Variants in MGAM2 observed in about 807,000 individuals in gnomAD.
MGAM2 encodes maltase-glucoamylase 2 (putative), also known as probable maltase-glucoamylase 2.
MGAM2 carries 98 observed loss-of-function variants against 96.1 expected under a neutral mutation model. The observed-to-expected ratio is 1.02, with a 90% CI of 0.87 to 1.21. The LOEUF (loss-of-function observed/expected upper bound fraction) is 1.21. Ranked by LOEUF, MGAM2 falls within the 50% of genes most tolerant of loss-of-function variation. The pLI is 0.00. For missense variants in MGAM2, 2,055 were observed against 1,182.4 expected (o/e 1.74, Z -10.82); for synonymous variants, 749 against 414.8 (o/e 1.81, Z -9.79).
intron 36 of MGAM2, among the ~76,000 whole-genome samples, chr7:142,188,109 AACACACACACACACACAC>A (rs60052742): frequency 5.6e-5 from 8 of 143,564 alleles, no homozygotes; most frequent in East Asian, 2.1e-4. Context: ...TAAACCCTTA[AACACACACACACACACAC>A]ACACACACAC....
intron 32 of MGAM2, among the ~76,000 whole-genome samples, chr7:142,180,857 T>C (rs1796516059): frequency 6.6e-6 from 1 of 152,186 alleles, no homozygotes; most frequent in Non-Finnish European, 1.5e-5. Flanking sequence ...TGTGTTATAA[T>C]TTTTTGTTTT....
chr7:142,164,226 A>G (rs1795966716), intron 23 of MGAM2, among the ~76,000 whole-genome samples: 1 of 152,158 alleles, frequency 6.6e-6, no homozygotes, highest in Admixed American at 6.5e-5. Flanking sequence ...TTTTTTCTTC[A>G]GTCTTAATTT....
intron 46 of MGAM2, among the ~76,000 whole-genome samples, chr7:142,216,673 T>C (rs1356565452): frequency 6.6e-6 from 1 of 152,180 alleles, no homozygotes; most frequent in Non-Finnish European, 1.5e-5. Context: ...AAAAATCAAC[T>C]CTCTCAAATC....
Position 142,221,346 on chromosome 7 carries a change from A to G in MGAM2, c.6835A>G (p.Thr2279Ala). The change falls in exon 48 of 48, where the codon ACT (threonine) becomes GCT (alanine). Residue 2279 changes from threonine to alanine, a missense_variant. By Grantham distance (58) the Thr-to-Ala change is moderately conservative. Transcript: ENST00000477922. ...VTTPSPSTDATTTSNNTNPGM... is the reference protein window; with the variant it reads ...VTTPSPSTDAATTSNNTNPGM... ...TACTCCTTCTCCAAGTACTGATGCT[A>G]CTACTACAAGTAATAATACTAATCC... 1.6e-6 allele frequency: 1 copy of G among 628,918 alleles called. No individual in the cohort carries two copies. 39.0% of individuals were successfully genotyped at this position (628,918 alleles called of 1,614,324 possible).
At chr7:142,132,450 TA>T in intron 6 of MGAM2, among the ~76,000 whole-genome samples, 1 of 140,408 alleles carries the variant, frequency 7.1e-6, no homozygotes, top group East Asian at 2.0e-4. Context: ...AATAATATTA[TA>T]ATTATATTTA....
At chr7:142,165,486 T>C (rs1796004191) in intron 24 of MGAM2, among the ~76,000 whole-genome samples, 1 of 152,240 alleles carries the variant, frequency 6.6e-6, no homozygotes, top group East Asian at 1.9e-4. Flanking sequence ...ATGATTCCCT[T>C]ACACTGTTAG....
chr7:142,112,619 C>T (rs75906079), intron 1 of MGAM2, among the ~76,000 whole-genome samples: 1,794 of 152,148 alleles, frequency 0.012, 16 homozygotes, highest in Non-Finnish European at 0.018. Flanking sequence ...TCTTTAAGCT[C>T]TGCAGCCTAG....
chr7:142,132,808 T>G (rs1320108156), intron 6 of MGAM2, among the ~76,000 whole-genome samples: 1 of 127,072 alleles, frequency 7.9e-6, no homozygotes, highest in African/African-American at 3.1e-5. Context: ...TAATTATGTA[T>G]AATATAATAT....
chr7:142,183,623 G>A (rs1014671885), intron 33 of MGAM2, among the ~76,000 whole-genome samples: 1 of 152,082 alleles, frequency 6.6e-6, no homozygotes, highest in Admixed American at 6.6e-5. Flanking sequence ...ATTCCACATG[G>A]TCATTAACAA....
intron 45 of MGAM2, among the ~76,000 whole-genome samples, chr7:142,205,004 A>AT (rs1797354689): frequency 1.3e-5 from 2 of 152,030 alleles, no homozygotes; most frequent in South Asian, 2.1e-4. Flanking sequence ...GAAAGTACAT[A>AT]TTTTTTCTCA....
At chr7:142,211,111 A>C (rs899699730) in intron 46 of MGAM2, among the ~76,000 whole-genome samples, 54 of 152,218 alleles carry the variant, frequency 3.5e-4, no homozygotes, top group Non-Finnish European at 7.3e-5. Flanking sequence ...GACTATTAGA[A>C]GGAAAACTAA....
intron 32 of MGAM2, among the ~76,000 whole-genome samples, chr7:142,177,455 G>A (rs1221875932): frequency 6.6e-6 from 1 of 152,086 alleles, no homozygotes; most frequent in Non-Finnish European, 1.5e-5. Flanking sequence ...AGAGTATGAT[G>A]GAATCCATTA....
At chr7:142,218,311 T>C (rs770750411) in intron 46 of MGAM2, 50 bp from the exon 47 acceptor site, 3 of 571,606 alleles carry the variant, frequency 5.2e-6, no homozygotes, top group Non-Finnish European at 6.2e-6. Context: ...TGGACCATAG[T>C]CTATCAACAA....
chr7:142,181,054 T>C (rs1585193881), intron 32 of MGAM2, among the ~76,000 whole-genome samples: 2 of 152,228 alleles, frequency 1.3e-5, no homozygotes, highest in East Asian at 3.9e-4. Context: ...CACTTCAGTC[T>C]GGTTAGAAAC....
Position 142,173,294 on chromosome 7 carries a change from C to A in MGAM2, c.3627C>A (p.Tyr1209Ter), listed in dbSNP as rs1796259099. ...ALGFHLSRYG[Y>*]QNDAEISSLY... ...GATTCCATCTGAGTCGCTATGGATA[C>A]CAGAATGATGCTGAAATCTCCAGTT... is the stretch of plus-strand genomic sequence containing the variant. The change falls in exon 31 of 48, where the codon TAC (tyrosine) becomes TAA (stop). Residue 1209 changes from tyrosine (Y) to a stop codon, truncating the protein, a stop_gained. Coordinates refer to ENST00000477922, the MANE Select transcript of MGAM2 (RefSeq NM_001293626.2). LOFTEE classifies it high-confidence loss of function. 1 of 702,994 alleles carries A rather than the reference C, an allele frequency of 1.4e-6. No homozygotes were observed. The highest frequency in any genetic ancestry group is 2.7e-5 in the East Asian group (1 of 37,278). 43.5% of individuals were successfully genotyped at this position (702,994 alleles called of 1,614,324 possible).
In MGAM2 at chr7:142,172,115, T is replaced by C. The variant is rs1355192843; in HGVS notation, c.3369T>C (p.Tyr1123=). 2 of 733,132 alleles carry C rather than the reference T, an allele frequency of 2.7e-6. No individual in the cohort carries two copies. Among genetic ancestry groups the C allele is most frequent in the Non-Finnish European group, 5.0e-6 (2 of 399,902 alleles). The allele number at this position is 733,132 out of a possible 1,614,324, so 45.4% of individuals were successfully genotyped here. Residue 1123 remains tyrosine, a synonymous_variant, in exon 29 of 48, where the codon TAT becomes TAC. Coordinates refer to ENST00000477922, the MANE Select transcript of MGAM2 (RefSeq NM_001293626.2). The part of the protein sequence containing the change: ...DEPPAYKKNS[Y]GVHPYYMALE... ...ACTCCCAGTACAAGAAGAATTCCTA[T>C]GGTGTCCACCCTTACTACATGGCAC...
intron 37 of MGAM2, among the ~76,000 whole-genome samples, chr7:142,190,361 T>A (rs967881866): frequency 2.1e-5 from 3 of 143,984 alleles, no homozygotes; most frequent in Non-Finnish European, 4.5e-5. Context: ...AACCTCCTCC[T>A]CCTGGGTTCA....
chr7:142,156,167 C>A (rs1795730975), intron 17 of MGAM2, among the ~76,000 whole-genome samples: 1 of 149,454 alleles, frequency 6.7e-6, no homozygotes, highest in African/African-American at 2.5e-5. Flanking sequence ...AAAAAAAAAA[C>A]AAAGTACAAA....
intron 1 of MGAM2, among the ~76,000 whole-genome samples, chr7:142,115,208 AAAAAT>A (rs1302166519): frequency 6.6e-6 from 1 of 152,200 alleles, no homozygotes; most frequent in Non-Finnish European, 1.5e-5. Flanking sequence ...CCGTCTGCAA[AAAAAT>A]AAAATAAAAT....
Sources: gnomAD v4.1 joint callset for allele counts (sites outside exome capture counted in the v4.1 genomes callset) on GRCh38, gnomAD v4.1.1 for gene constraint, MANE v1.5 for transcripts, NCBI Gene and HGNC (gene_info 2026-07-23, HGNC 2026-07-21) for gene names.